The following PI16 variants were observed in gnomAD, a reference collection of about 807,000 sequenced individuals.
PI16 encodes PSP94-binding protein.
Under a neutral mutation model 38.0 loss-of-function variants are expected in PI16, and 35 were observed. That is an observed-to-expected ratio of 0.92 (90% CI 0.70 to 1.22). PI16 has a LOEUF of 1.22. Among genes scored for constraint, PI16 ranks in the 50% most tolerant of loss-of-function variants. The probability of loss-of-function intolerance (pLI) is 0.00; values close to 1 mark genes in which losing one functional copy is unlikely to be tolerated. For synonymous variants in PI16, 275 were observed against 252.9 expected, an observed-to-expected ratio of 1.09 and a Z score of -0.83; for missense variants, 572 against 593.8, an observed-to-expected ratio of 0.96 and a Z score of 0.38.
chr6:36,963,588 C>T lies in PI16; in HGVS notation c.1246C>T (p.Leu416=). The change falls in exon 5 of 7, where the codon CTG becomes TTG. Residue 416 remains leucine, a synonymous_variant. Transcript: ENST00000373674. Reference sequence around the variant, plus strand: ...CGCTAATGCCACGGGTGGGCGTGCCCTGGCTCTGCAGTCGTCCTTGCCAGG... The same window carrying T: ...CGCTAATGCCACGGGTGGGCGTGCCTTGGCTCTGCAGTCGTCCTTGCCAGG... ...ATANATGGRA[L]ALQSSLPGAE... 1.2e-6 allele frequency: 2 copies of T among 1,614,052 alleles called. No individual in the cohort carries two copies. Among genetic ancestry groups the T allele is most frequent in the Non-Finnish European group, 1.7e-6 (2 of 1,179,968 alleles).
rs758193789 is a variant in PI16 at position 36,963,313 on chromosome 6, A to T, written c.971A>T (p.Asp324Val). 3.7e-6 allele frequency: 6 copies of T among 1,614,238 alleles called. No individual in the cohort carries two copies. Among genetic ancestry groups the T allele is most frequent in the Non-Finnish European group, 5.1e-6 (6 of 1,180,040 alleles). ...CCAAAATCAGCAGACAAAGTGACAG[A>T]CAAAACAAAAGTGCCCTCTAGGAGC... Reference protein sequence around the residue: ...PIPKSADKVTDKTKVPSRSPE... With the variant: ...PIPKSADKVTVKTKVPSRSPE... Residue 324 changes from aspartate to valine, a missense_variant, in exon 5 of 7, where the codon GAC (aspartate) becomes GTC (valine). Coordinates refer to ENST00000373674, the MANE Select transcript of PI16 (RefSeq NM_153370.3).
intron 1 of PI16, among the ~76,000 whole-genome samples, chr6:36,956,302 T>C (rs1329697502): frequency 1.3e-5 from 2 of 152,212 alleles, no homozygotes; most frequent in African/African-American, 2.4e-5. Flanking sequence ...AGCTCCCTGA[T>C]TGAGGCCTGT....
Position 36,959,295 on chromosome 6 carries a change from C to A in PI16, c.322C>A (p.His108Asn). The stretch of plus-strand genomic sequence containing the variant: ...GCCGCTGGCCATGGAGGAGTGGCAC[C>A]ACGAGCGTGAGCACTACAACCTCAG... ...DVPLAMEEWH[H>N]EREHYNLSAA... The change falls in exon 2 of 7, where the codon CAC (histidine) becomes AAC (asparagine). Residue 108 changes from histidine (H) to asparagine (N), a missense_variant. His to Asn is a moderately conservative substitution (Grantham distance 68). Transcript: ENST00000373674. The A allele has an allele frequency of 6.3e-7, 1 of 1,592,684 alleles. No homozygotes were observed. Among genetic ancestry groups the A allele is most frequent in the Non-Finnish European group, 8.5e-7 (1 of 1,170,208 alleles).
Position 36,963,003 on chromosome 6 carries a change from G to A in PI16, c.661G>A (p.Ala221Thr). The A allele has an allele frequency of 6.2e-7, 1 of 1,614,242 alleles. No individual in the cohort carries two copies. Residue 221 changes from alanine to threonine, a missense_variant, in exon 5 of 7, where the codon GCG (alanine) becomes ACG (threonine). Coordinates refer to ENST00000373674, the MANE Select transcript of PI16 (RefSeq NM_153370.3). ...GGTAACTGAGGCCCCATCCTTCCGG[G>A]CGACTGAAGCATCAGACTCTAGGAA... is the stretch of plus-strand genomic sequence containing the variant. ...YLVTEAPSFRATEASDSRKMG... is the reference protein window; with the variant it reads ...YLVTEAPSFRTTEASDSRKMG...
rs1763424463 is a variant in PI16 at position 36,963,308 on chromosome 6, G to A, written c.966G>A (p.Val322=). 1 of 1,614,084 alleles carries A rather than the reference G, an allele frequency of 6.2e-7. No homozygotes were observed. Among genetic ancestry groups the A allele is most frequent in the African/African-American group, 1.3e-5 (1 of 74,922 alleles). ...HVPIPKSADK[V]TDKTKVPSRS... ...CTATCCCAAAATCAGCAGACAAAGT[G>A]ACAGACAAAACAAAAGTGCCCTCTA... Residue 322 remains valine (V), a synonymous_variant, in exon 5 of 7, where the codon GTG becomes GTA. Transcript: ENST00000373674.
rs1447041955 is a variant in PI16 at position 36,963,573 on chromosome 6, A to T, written c.1231A>T (p.Thr411Ser). The T allele has an allele frequency of 6.2e-7, 1 of 1,614,052 alleles. No individual in the cohort carries two copies. The highest frequency in any genetic ancestry group is 1.3e-5 in the African/African-American group (1 of 74,932). The change falls in exon 5 of 7, where the codon ACG becomes TCG. Residue 411 changes from threonine (T) to serine (S), a missense_variant. By Grantham distance (58) the Thr-to-Ser change is moderately conservative. Coordinates refer to ENST00000373674, the MANE Select transcript of PI16 (RefSeq NM_153370.3). ...CAATACCTCTGCCACCGCTAATGCC[A>T]CGGGTGGGCGTGCCCTGGCTCTGCA... ...FPNTSATANA[T>S]GGRALALQSS...
At position 36,962,539 on chromosome 6, in the gene PI16, C is replaced by A. The variant is rs552851863; in HGVS notation, c.593-396C>A. Among the ~76,000 whole-genome samples, 1 of 152,090 alleles carries A rather than the reference C, an allele frequency of 6.6e-6. No individual in the cohort carries two copies. Among genetic ancestry groups the A allele is most frequent in the Admixed American group, 6.5e-5 (1 of 15,268 alleles). ...CCAGGCTAGAGTGCAATGGCTCGAT[C>A]TCGGCTCACCTGCAACCTCCGCCTC... On this transcript the variant is annotated intron_variant, in intron 4 of 6. Coordinates refer to ENST00000373674, the MANE Select transcript of PI16 (RefSeq NM_153370.3). The surrounding 1 kb of genome is among the most constrained non-coding windows in gnomAD (Gnocchi z 4.1).
At position 36,962,024 on chromosome 6, in the gene PI16, A is replaced by C. The variant is rs752423316; in HGVS notation, c.592+50A>C. On this transcript the variant is annotated intron_variant, in intron 4 of 6. Coordinates refer to ENST00000373674, the MANE Select transcript of PI16 (RefSeq NM_153370.3). This position sits in a 1 kb window ranked among gnomAD's most constrained non-coding sequence, Gnocchi z 4.1. ...GGGCAGGGGGTGTGGAAATGATGCG[A>C]TGCAGACTGGATGGTCTAAGAGCCT... The C allele has an allele frequency of 1.6e-5, 24 of 1,477,184 alleles. No homozygotes were observed. Among genetic ancestry groups the C allele is most frequent in the Non-Finnish European group, 2.2e-5 (23 of 1,055,392 alleles). The allele number at this position is 1,477,184 out of a possible 1,614,324, so 91.5% of individuals were successfully genotyped here.
rs1209914989 is a variant in PI16 at position 36,963,139 on chromosome 6, C to T, written c.797C>T (p.Thr266Ile). The T allele has an allele frequency of 5.0e-6, 8 of 1,614,142 alleles. No homozygotes were observed. Among genetic ancestry groups the T allele is most frequent in the Non-Finnish European group, 5.1e-6 (6 of 1,180,054 alleles). Residue 266 changes from threonine (T) to isoleucine (I), a missense_variant, in exon 5 of 7, where the codon ACT (threonine) becomes ATT (isoleucine). Thr to Ile is a moderately conservative substitution (Grantham distance 89). Coordinates refer to ENST00000373674, the MANE Select transcript of PI16 (RefSeq NM_153370.3). The stretch of plus-strand genomic sequence containing the variant: ...CCTGCTGTGGAAACCCAGGCCCCAA[C>T]TTCCTTAGCAACGAAAGACCCGCCC... ...ALPAVETQAP[T>I]SLATKDPPSM... is the part of the protein sequence containing the mutation.
Position 36,962,023 on chromosome 6 carries a change from G to T in PI16, c.592+49G>T. 1.4e-6 allele frequency: 2 copies of T among 1,472,916 alleles called. No homozygotes were observed. The highest frequency in any genetic ancestry group is 1.1e-5 in the South Asian group (1 of 88,202). The allele number at this position is 1,472,916 out of a possible 1,614,324, so 91.2% of individuals were successfully genotyped here. ...GGGGCAGGGGGTGTGGAAATGATGC[G>T]ATGCAGACTGGATGGTCTAAGAGCC... is the stretch of plus-strand genomic sequence containing the variant. On this transcript the variant is annotated intron_variant, in intron 4 of 6. Coordinates refer to ENST00000373674, the MANE Select transcript of PI16 (RefSeq NM_153370.3). This position sits in a 1 kb window ranked among gnomAD's most constrained non-coding sequence, Gnocchi z 4.1.
At position 36,963,331 on chromosome 6, in the gene PI16, C is replaced by A; in HGVS notation, c.989C>A (p.Ser330Tyr). ...GTGACAGACAAAACAAAAGTGCCCT[C>A]TAGGAGCCCAGAGAACTCTCTGGAC... is the stretch of plus-strand genomic sequence containing the variant. ...DKVTDKTKVP[S>Y]RSPENSLDPK... The change falls in exon 5 of 7, where the codon TCT becomes TAT. Residue 330 changes from serine (S) to tyrosine (Y), a missense_variant. Coordinates refer to ENST00000373674, the MANE Select transcript of PI16 (RefSeq NM_153370.3). 1.2e-6 allele frequency: 2 copies of A among 1,614,200 alleles called. No homozygotes were observed. The highest frequency in any genetic ancestry group is 1.7e-6 in the Non-Finnish European group (2 of 1,180,020).
At chr6:36,959,748 G>A (rs751581422) in intron 2 of PI16, among the ~76,000 whole-genome samples, 1 of 151,870 alleles carries the variant, frequency 6.6e-6, no homozygotes, top group South Asian at 2.1e-4. Flanking sequence ...GCGGTGGCGC[G>A]CGCCAGCTGC....
chr6:36,960,642 ACC>A (rs5875563), intron 2 of PI16, among the ~76,000 whole-genome samples: 1 of 40,982 alleles, frequency 2.4e-5, no homozygotes, highest in Non-Finnish European at 5.2e-5. Context: ...CTCTCCCTCC[ACC>A]CCCCCCCTCC....
intron 3 of PI16, 80 bp downstream of exon 3, chr6:36,961,640 C>A (rs1763369285): frequency 3.0e-6 from 4 of 1,324,978 alleles, no homozygotes; most frequent in Non-Finnish European, 4.4e-6. Context: ...TCGGCCACAG[C>A]CTGAGGGAGT....
chr6:36,949,083 G>C (rs561888047), intron 1 of PI16, among the ~76,000 whole-genome samples: 1 of 151,626 alleles, frequency 6.6e-6, no homozygotes, highest in Admixed American at 6.6e-5. Flanking sequence ...ACCGCACCCA[G>C]CCTTATTTTC....
Position 36,963,369 on chromosome 6 carries a change from C to G in PI16, c.1027C>G (p.Leu343Val). Residue 343 changes from leucine to valine, a missense_variant, in exon 5 of 7, where the codon CTG (leucine) becomes GTG (valine). Coordinates refer to ENST00000373674, the MANE Select transcript of PI16 (RefSeq NM_153370.3). ...PENSLDPKMS[L>V]TGARELLPHA... ...GAACTCTCTGGACCCCAAGATGTCCCTGACAGGGGCAAGGGAACTCCTACC... is the reference window on the plus strand; with the variant it reads ...GAACTCTCTGGACCCCAAGATGTCCGTGACAGGGGCAAGGGAACTCCTACC... The G allele has an allele frequency of 6.2e-7, 1 of 1,614,200 alleles. No homozygotes were observed. The highest frequency in any genetic ancestry group is 8.5e-7 in the Non-Finnish European group (1 of 1,180,034).
chr6:36,952,491 G>A (rs553488531), upstream of PI16, among the ~76,000 whole-genome samples: 22 of 152,142 alleles, frequency 1.4e-4, no homozygotes, highest in Middle Eastern at 6.8e-3. Flanking sequence ...ATATACTTAC[G>A]GTAAAGATTC....
chr6:36,963,777 G>A, intron 5 of PI16, 46 bp from the exon 6 acceptor site: 2 of 1,541,490 alleles, frequency 1.3e-6, no homozygotes, highest in Non-Finnish European at 8.7e-7. Context: ...CGGGACATCA[G>A]GCACAGCTGT....
Position 36,963,393 on chromosome 6 carries a change from C to A in PI16, c.1051C>A (p.Pro351Thr), listed in dbSNP as rs763933137. 2 of 1,614,192 alleles carry A rather than the reference C, an allele frequency of 1.2e-6. No homozygotes were observed. Among genetic ancestry groups the A allele is most frequent in the Non-Finnish European group, 1.7e-6 (2 of 1,179,998 alleles). The change falls in exon 5 of 7, where the codon CCC becomes ACC. Residue 351 changes from proline to threonine, a missense_variant. By Grantham distance (38) the Pro-to-Thr change is conservative. Transcript: ENST00000373674. ...CCTGACAGGGGCAAGGGAACTCCTA[C>A]CCCATGCCCAGGAGGAGGCTGAGGC... ...MSLTGARELL[P>T]HAQEEAEAEA...
Sources: allele counts gnomAD v4.1 joint callset (sites outside exome capture counted in the v4.1 genomes callset), GRCh38; gene constraint gnomAD v4.1.1; non-coding constraint Gnocchi (gnomAD v3.1); transcripts MANE v1.5; gene names NCBI Gene and HGNC (gene_info 2026-07-23, HGNC 2026-07-21).